USH2A: variants seen among roughly 807,000 people sequenced by gnomAD.
USH2A encodes usherin.
A neutral mutation model predicts 538.9 loss-of-function variants in USH2A; 443 were observed. The ratio of observed to expected loss-of-function variants is 0.82; its 90% CI spans 0.76 to 0.89. The LOEUF is 0.89. USH2A is among the 40% of genes least tolerant of loss of function. USH2A has a pLI of 0.00. For missense variants in USH2A, 6,633 were observed against 6,324.8 expected (o/e 1.05, Z -1.65); for synonymous variants, 2,413 against 2,273.5 (o/e 1.06, Z -1.75).
intron 70 of USH2A, among the ~76,000 whole-genome samples, chr1:215,632,857 T>C (rs1305597306): frequency 6.6e-6 from 1 of 152,186 alleles, no homozygotes; most frequent in African/African-American, 2.4e-5. Flanking sequence ...TCCTAATGAC[T>C]ATTCACTGAA....
intron 44 of USH2A, among the ~76,000 whole-genome samples, chr1:215,853,414 G>A (rs1476322759): frequency 3.3e-5 from 5 of 152,126 alleles, no homozygotes; most frequent in South Asian, 2.1e-4. Flanking sequence ...TGTGTTGGTC[G>A]CAGCTGTCAT....
intron 62 of USH2A, among the ~76,000 whole-genome samples, chr1:215,678,728 ACACACG>A (rs1658118935): frequency 6.6e-6 from 1 of 152,128 alleles, no homozygotes; most frequent in Admixed American, 6.6e-5. Context: ...ACACACACAC[ACACACG>A]CACGTGCACT....
chr1:216,229,956 A>G (rs2035643987), intron 14 of USH2A, among the ~76,000 whole-genome samples: 1 of 152,186 alleles, frequency 6.6e-6, no homozygotes, highest in Non-Finnish European at 1.5e-5. Flanking sequence ...ATCTCACTTA[A>G]AGAAAAAAAG....
intron 37 of USH2A, among the ~76,000 whole-genome samples, chr1:215,935,042 T>C (rs1666459279): frequency 6.6e-6 from 1 of 152,050 alleles, no homozygotes; most frequent in Admixed American, 6.6e-5. Context: ...ATTTGATGAA[T>C]ATTCTTAGAT....
At chr1:215,993,221 G>T (rs569114747) in intron 34 of USH2A, 54 bp from the exon 35 acceptor site, 1 of 1,613,118 alleles carries the variant, frequency 6.2e-7, no homozygotes, top group South Asian at 1.1e-5. Flanking sequence ...AAGTTTTCAT[G>T]AACATTGAGG....
At chr1:216,064,169 C>A (rs1326539109) in intron 30 of USH2A, among the ~76,000 whole-genome samples, 4 of 152,166 alleles carry the variant, frequency 2.6e-5, no homozygotes, top group Non-Finnish European at 5.9e-5. Context: ...TTATCATAGA[C>A]TTTATGAATT....
At chr1:216,017,865 A>G (rs1007383229) in intron 32 of USH2A, among the ~76,000 whole-genome samples, 4 of 152,212 alleles carry the variant, frequency 2.6e-5, no homozygotes, top group Admixed American at 6.5e-5. Flanking sequence ...TACTATTTCA[A>G]CCTAGCCCTA....
At chr1:216,046,910 A>G (rs928544241) in intron 31 of USH2A, among the ~76,000 whole-genome samples, 10 of 152,194 alleles carry the variant, frequency 6.6e-5, no homozygotes, top group Non-Finnish European at 1.3e-4. Context: ...TTAAGCAGAT[A>G]GAGTCCCCTA....
At chr1:216,036,717 A>C (rs535228653) in intron 32 of USH2A, among the ~76,000 whole-genome samples, 1 of 152,244 alleles carries the variant, frequency 6.6e-6, no homozygotes, top group African/African-American at 2.4e-5. Context: ...AACTTGGAGA[A>C]AGAGGTAGAT....
At chr1:215,736,216 T>A (rs1404892525) in intron 60 of USH2A, among the ~76,000 whole-genome samples, 2 of 152,182 alleles carry the variant, frequency 1.3e-5, no homozygotes, top group Admixed American at 6.5e-5. Flanking sequence ...ATTAAGCTGA[T>A]CTTCTAAATG....
intron 36 of USH2A, among the ~76,000 whole-genome samples, chr1:215,968,175 A>T (rs750631846): frequency 2.0e-4 from 30 of 152,208 alleles, no homozygotes; most frequent in Non-Finnish European, 3.7e-4. Flanking sequence ...ATAAAACCCC[A>T]ATTTATTGAA....
chr1:215,640,141 G>C (rs974171570), intron 68 of USH2A, among the ~76,000 whole-genome samples: 1 of 152,176 alleles, frequency 6.6e-6, no homozygotes, highest in Non-Finnish European at 1.5e-5. Context: ...AGGTCCTCAT[G>C]AGTTGGAGAT....
At chr1:215,679,470 G>T (rs908670704) in intron 62 of USH2A, among the ~76,000 whole-genome samples, 8 of 152,144 alleles carry the variant, frequency 5.3e-5, no homozygotes, top group Non-Finnish European at 8.8e-5. Flanking sequence ...TGAACTAACA[G>T]GTATGTCTGC....
intron 47 of USH2A, among the ~76,000 whole-genome samples, chr1:215,833,378 T>C (rs1210393459): frequency 1.3e-5 from 2 of 151,684 alleles, no homozygotes; most frequent in Non-Finnish European, 3.0e-5. Flanking sequence ...TAAAAGAGAG[T>C]CCAAAAATGG....
intron 4 of USH2A, among the ~76,000 whole-genome samples, chr1:216,330,535 G>A (rs1283970261): frequency 6.6e-6 from 1 of 151,954 alleles, no homozygotes; most frequent in Non-Finnish European, 1.5e-5. Context: ...GTTAGAGGAG[G>A]TGCAAGGAGC....
At chr1:216,318,046 G>T (rs991014654) in intron 9 of USH2A, among the ~76,000 whole-genome samples, 2 of 152,082 alleles carry the variant, frequency 1.3e-5, no homozygotes, top group South Asian at 4.1e-4. Flanking sequence ...ATGTGAACCT[G>T]CCCCTGAATT....
At chr1:216,175,684 C>T (rs1400837939) in intron 20 of USH2A, among the ~76,000 whole-genome samples, 2 of 152,032 alleles carry the variant, frequency 1.3e-5, no homozygotes, top group Non-Finnish European at 2.9e-5. Context: ...ATTTAAATGG[C>T]CAATATACTA....
chr1:216,039,809 C>G (rs936033564), intron 32 of USH2A, among the ~76,000 whole-genome samples: 3 of 151,734 alleles, frequency 2.0e-5, no homozygotes, highest in Non-Finnish European at 4.4e-5. Flanking sequence ...AATAAATTTC[C>G]CATCGTAAGA....
chr1:215,859,724 A>C (rs72742757), intron 44 of USH2A, among the ~76,000 whole-genome samples: 3,393 of 152,266 alleles, frequency 0.022, 61 homozygotes, highest in Non-Finnish European at 0.033. Context: ...CCCCGTCTCC[A>C]AATACAGCTA....
Sources: allele counts gnomAD v4.1 joint callset (sites outside exome capture counted in the v4.1 genomes callset), GRCh38; gene constraint gnomAD v4.1.1; transcripts MANE v1.5; gene names NCBI Gene and HGNC (gene_info 2026-07-23, HGNC 2026-07-21).